PAIP1: variants seen among roughly 807,000 people sequenced by gnomAD.
PAIP1 encodes poly(A) binding protein interacting protein 1.
A neutral mutation model predicts 61.3 loss-of-function variants in PAIP1; 16 were observed. That is an observed-to-expected ratio of 0.26 (90% CI 0.18 to 0.40). PAIP1 has a LOEUF of 0.40. Ranked by LOEUF, PAIP1 falls within the 10% of genes least tolerant of loss-of-function variation. The pLI, the probability that PAIP1 is intolerant of heterozygous loss-of-function variation, is 1.00. For missense variants in PAIP1, 416 were observed against 600.9 expected (o/e 0.69, Z 3.22); for synonymous variants, 187 against 226.2 (o/e 0.83, Z 1.56).
chr5:43,538,842 A>G (rs550424189), intron 5 of PAIP1, 82 bp downstream of exon 5: 3 of 754,078 alleles, frequency 4.0e-6, no homozygotes, highest in Non-Finnish European at 7.1e-6. Flanking sequence ...TTGTAAAAGT[A>G]CAATGTGAAC....
chr5:43,541,382 G>C (rs1747403896), intron 4 of PAIP1, among the ~76,000 whole-genome samples: 1 of 135,942 alleles, frequency 7.4e-6, no homozygotes, highest in South Asian at 2.4e-4. Context: ...TCAATCTCCT[G>C]AACTCGTGAG....
chr5:43,555,682 C>A, intron 2 of PAIP1, 148 bp downstream of exon 2: 1 of 585,762 alleles, frequency 1.7e-6, no homozygotes, highest in Non-Finnish European at 3.0e-6. Context: ...GCTTTGTTTC[C>A]TTCTGAGTTC....
rs1319709352 is a variant in PAIP1 at position 43,547,799 on chromosome 5, C to T, written c.550G>A (p.Ala184Thr). ...GSFETEIEQFAETLNGCVTTD... is the reference protein window; with the variant it reads ...GSFETEIEQFTETLNGCVTTD... The stretch of plus-strand genomic sequence containing the variant: ...GTAACACAACCATTCAGGGTCTCTG[C>T]AAACTGTTCAATTTCAGTTTCAAAA... Residue 184 changes from alanine to threonine, a missense_variant, in exon 3 of 11, where the codon GCA becomes ACA. This residue lies in a region of PAIP1 where 180 missense variants were observed against 211.2 expected (regional missense o/e 0.85). Transcript: ENST00000306846. 1 of 1,611,760 alleles carries T rather than the reference C, an allele frequency of 6.2e-7. No homozygotes were observed. The highest frequency in any genetic ancestry group is 1.1e-5 in the South Asian group (1 of 90,970).
chr5:43,535,036 C>G, intron 7 of PAIP1, 66 bp from the exon 8 acceptor site: 1 of 839,440 alleles, frequency 1.2e-6, no homozygotes, highest in Non-Finnish European at 2.0e-6. Context: ...TAAAATATCT[C>G]AGATTCCCAA....
At chr5:43,539,125 A>T in intron 4 of PAIP1, 90 bp from the exon 5 acceptor site, 1 of 810,998 alleles carries the variant, frequency 1.2e-6, no homozygotes, top group Admixed American at 1.8e-5. Flanking sequence ...GGTTGTCCAC[A>T]GCAAGAGGCA....
At position 43,556,695 on chromosome 5, in the gene PAIP1, G is replaced by T. The variant is rs562875256; in HGVS notation, c.152C>A (p.Pro51Gln). ...ARHQPPQPKA[P>Q]GFLQPPPLRQ... ...CAGCGGCGGTGGCTGCAGGAAGCCC[G>T]GGGCTTTGGGTTGCGGCGGCTGGTG... Residue 51 changes from proline to glutamine, a missense_variant, in exon 1 of 11, where the codon CCG becomes CAG. Physicochemically the swap from Pro to Gln is moderately conservative, Grantham distance 76. This residue lies in a region of PAIP1 where 97 missense variants were observed against 89.5 expected (regional missense o/e 1.08). Coordinates refer to ENST00000306846, the MANE Select transcript of PAIP1 (RefSeq NM_006451.5). 2 of 1,309,850 alleles carry T rather than the reference G, an allele frequency of 1.5e-6. No individual in the cohort carries two copies. The highest frequency in any genetic ancestry group is 4.5e-5 in the South Asian group (2 of 44,310). The allele number at this position is 1,309,850 out of a possible 1,614,324, so 81.1% of individuals were successfully genotyped here. A position where few individuals can be genotyped will look rare whatever the true frequency, so the allele number is the denominator to read the frequency against.
At chr5:43,535,506 T>C in intron 7 of PAIP1, 28 bp downstream of exon 7, 2 of 1,198,512 alleles carry the variant, frequency 1.7e-6, no homozygotes, top group South Asian at 1.2e-5. Flanking sequence ...TGAGATGCAC[T>C]GGCTATTTAC....
At chr5:43,549,515 C>T (rs1430891199) in intron 2 of PAIP1, among the ~76,000 whole-genome samples, 6 of 151,944 alleles carry the variant, frequency 3.9e-5, no homozygotes, top group African/African-American at 1.5e-4. Flanking sequence ...TCTCTTGCTG[C>T]GGCCACGTAA....
intron 2 of PAIP1, among the ~76,000 whole-genome samples, chr5:43,551,745 C>CTCT (rs1554041147): frequency 1.4e-5 from 2 of 142,924 alleles, no homozygotes; most frequent in African/African-American, 5.1e-5. Context: ...GATTTGCAAT[C>CTCT]TTTTTTTTTT....
intron 3 of PAIP1, among the ~76,000 whole-genome samples, chr5:43,547,314 T>TA (rs778367358): frequency 1.3e-5 from 2 of 152,126 alleles, no homozygotes; most frequent in African/African-American, 2.4e-5. Flanking sequence ...CTAATACTAC[T>TA]ATTCAATTCA....
intron 10 of PAIP1, among the ~76,000 whole-genome samples, chr5:43,529,084 T>C (rs1746827977): frequency 6.6e-6 from 1 of 151,076 alleles, no homozygotes; most frequent in African/African-American, 2.4e-5. Context: ...CCTTCTACTG[T>C]GTGCCGGAAG....
chr5:43,541,297 T>TAA (rs1747397371), intron 4 of PAIP1, among the ~76,000 whole-genome samples: 1 of 28,118 alleles, frequency 3.6e-5, no homozygotes, highest in Non-Finnish European at 5.8e-5. Context: ...GCTTTTTTTT[T>TAA]TTTTTTTGTA....
intron 4 of PAIP1, among the ~76,000 whole-genome samples, chr5:43,539,807 A>AT (rs1371188525): frequency 1.3e-5 from 2 of 152,240 alleles, no homozygotes; most frequent in Non-Finnish European, 2.9e-5. Flanking sequence ...CACTGCCTTC[A>AT]TAAGTGAACT....
Position 43,540,616 on chromosome 5 carries a change from A to T in PAIP1, c.735-1581T>A, listed in dbSNP as rs115575812. Among the ~76,000 whole-genome samples, 719 of 152,368 alleles carry T rather than the reference A, an allele frequency of 4.7e-3. 5 individuals carry two copies. Among genetic ancestry groups the T allele is most frequent in the African/African-American group, 0.016 (647 of 41,588 alleles). On this transcript the variant is annotated intron_variant, in intron 4 of 10. Transcript: ENST00000306846. ...AACAAGAGATAACTGCTGTGAAGGT[A>T]ACTTCCGTTCCATCTTTTTCAAAGT... is the stretch of plus-strand genomic sequence containing the variant.
At chr5:43,545,371 C>T (rs546532383) in intron 3 of PAIP1, among the ~76,000 whole-genome samples, 5 of 152,284 alleles carry the variant, frequency 3.3e-5, no homozygotes, top group African/African-American at 7.2e-5. Flanking sequence ...TGTCTTCATC[C>T]GTGGCATAAC....
chr5:43,537,979 G>A (rs1393397131), intron 5 of PAIP1, among the ~76,000 whole-genome samples: 1 of 130,654 alleles, frequency 7.7e-6, no homozygotes, highest in Non-Finnish European at 1.6e-5. Context: ...GGGTGACAGA[G>A]CGAGACTGTC....
intron 4 of PAIP1, among the ~76,000 whole-genome samples, chr5:43,542,777 A>AT (rs1379947225): frequency 6.6e-6 from 1 of 152,334 alleles, no homozygotes; most frequent in East Asian, 1.9e-4. Flanking sequence ...ATAAGTGTTT[A>AT]TTTTTAAGAT....
Position 43,544,146 on chromosome 5 carries a change from T to TAAA in PAIP1, c.622-1033_622-1031dup, listed in dbSNP as rs568177939. Among the ~76,000 whole-genome samples, 581 of 72,710 alleles carry TAAA rather than the reference T, an allele frequency of 8.0e-3. 12 individuals carry two copies. The highest frequency in any genetic ancestry group is 0.012 in the Non-Finnish European group (473 of 37,866). The allele number at this position is 72,710 out of a possible 152,430, so 47.7% of individuals were successfully genotyped here. On this transcript the variant is annotated intron_variant, in intron 3 of 10. Transcript: ENST00000306846. ...TGACAAAACAAAGCCCCCATCTTTTTAAAAAAAAAAAAAAAAAAAAAAAAA... is the reference window on the plus strand; with the variant it reads ...TGACAAAACAAAGCCCCCATCTTTTTAAAAAAAAAAAAAAAAAAAAAAAAAAAA...
rs1276519125 is a variant in PAIP1, at chr5:43,547,881, A to G, written c.468T>C (p.Pro156=). The G allele has an allele frequency of 1.2e-6, 2 of 1,611,908 alleles. No individual in the cohort carries two copies. The highest frequency in any genetic ancestry group is 2.2e-5 in the East Asian group (1 of 44,862). The part of the protein sequence containing the change: ...ESYEDGCEDY[P]TLSEYVQDFL... ...AATCCTGAACATATTCTGATAGAGT[A>G]GGATAATCCTCACAACCATCCTCAT... The change falls in exon 3 of 11, where the codon CCT becomes CCC. Residue 156 remains proline (P), a synonymous_variant. Coordinates refer to ENST00000306846, the MANE Select transcript of PAIP1 (RefSeq NM_006451.5).
Sources: allele counts gnomAD v4.1 joint callset (sites outside exome capture counted in the v4.1 genomes callset), GRCh38; gene constraint gnomAD v4.1.1; regional missense constraint gnomAD v4.1.1; transcripts MANE v1.5; gene names NCBI Gene and HGNC (gene_info 2026-07-23, HGNC 2026-07-21).